Variants in MAN2A1 observed in about 807,000 individuals in gnomAD.
The protein encoded by MAN2A1 is mannosidase alpha class 2A member 1.
In MAN2A1, 76 loss-of-function variants were observed where a neutral mutation model predicts 142.6. The ratio of observed to expected loss-of-function variants is 0.53; its 90% confidence interval spans 0.44 to 0.65. The LOEUF (loss-of-function observed/expected upper bound fraction) is 0.65. Ranked by LOEUF, MAN2A1 falls within the 30% of genes least tolerant of loss-of-function variation. The pLI is 0.00. For missense variants in MAN2A1, 1,311 were observed against 1,365.1 expected (o/e 0.96, Z 0.62); for synonymous variants, 559 against 473.2 (o/e 1.18, Z -2.35).
intron 12 of MAN2A1, among the ~76,000 whole-genome samples, chr5:109,816,954 A>G (rs143689783): frequency 6.6e-6 from 1 of 152,098 alleles, no homozygotes; most frequent in Non-Finnish European, 1.5e-5. Flanking sequence ...ATTCTTCTCC[A>G]TGAGTTGACT....
chr5:109,821,545 T>C (rs1428907040), intron 15 of MAN2A1, among the ~76,000 whole-genome samples: 1 of 152,168 alleles, frequency 6.6e-6, no homozygotes, highest in Non-Finnish European at 1.5e-5. Context: ...CCCACCAGCA[T>C]TTTTTGAGAT....
chr5:109,816,719 A>T (rs189300257), intron 12 of MAN2A1, among the ~76,000 whole-genome samples: 51 of 152,308 alleles, frequency 3.3e-4, no homozygotes, highest in African/African-American at 1.2e-3. Flanking sequence ...TATTAGTTGT[A>T]TGGAGCTCAT....
chr5:109,734,478 G>C (rs1467689897), intron 4 of MAN2A1, among the ~76,000 whole-genome samples: 1 of 152,008 alleles, frequency 6.6e-6, no homozygotes, highest in East Asian at 1.9e-4. Context: ...GTCAATTTTG[G>C]ATCTTTCCTG....
At position 109,698,953 on chromosome 5, in the gene MAN2A1, A is replaced by G. The variant is rs373772072; in HGVS notation, c.135+8401A>G. ...TGTGGTTCCTTCTTTAAATATATGC[A>G]TATACCTCTGTTTTGATTTTTGTTT... On this transcript the variant is annotated intron_variant, in intron 1 of 21. Transcript: ENST00000261483. Among the ~76,000 whole-genome samples, 14 of 152,116 alleles carry G rather than the reference A, an allele frequency of 9.2e-5. 1 individual carries two copies. The highest frequency in any genetic ancestry group is 2.6e-4 in the Admixed American group (4 of 15,278).
intron 1 of MAN2A1, among the ~76,000 whole-genome samples, chr5:109,697,632 C>T (rs1251582138): frequency 6.6e-6 from 1 of 152,172 alleles, no homozygotes; most frequent in East Asian, 1.9e-4. Context: ...TGTCTCTGAC[C>T]ACTTTCACAC....
rs144196108 is a variant in MAN2A1 at position 109,867,356 on chromosome 5, A to G, written c.*358A>G. ...TGGGGGTTGCGAAGAGATTCTTAAAAGTATCTGTGTGTTGATCATCAGTTT... is the reference window on the plus strand; with the variant it reads ...TGGGGGTTGCGAAGAGATTCTTAAAGGTATCTGTGTGTTGATCATCAGTTT... On this transcript the variant is annotated 3_prime_UTR_variant, in exon 22 of 22. Coordinates refer to ENST00000261483, the MANE Select transcript of MAN2A1 (RefSeq NM_002372.4). 3 of 158,724 alleles carry G rather than the reference A, an allele frequency of 1.9e-5. No individual in the cohort carries two copies. In the East Asian group the frequency reaches 5.4e-4, roughly 29 times the overall value. The allele number at this position is 158,724 out of a possible 1,614,324, so 9.8% of individuals were successfully genotyped here. A position where few individuals can be genotyped will look rare whatever the true frequency, so the allele number is the denominator to read the frequency against.
chr5:109,728,702 C>T (rs1041027700), intron 3 of MAN2A1, among the ~76,000 whole-genome samples: 2 of 152,090 alleles, frequency 1.3e-5, no homozygotes, highest in African/African-American at 2.4e-5. Flanking sequence ...TATATGCATT[C>T]GCATTTGTTG....
Position 109,737,092 on chromosome 5 carries a change from C to CTTTTTTTTTTTT in MAN2A1, c.707+7587_707+7598dup, listed in dbSNP as rs10686903. ...GGCCATAGAATATGGACTGTATACT[C>CTTTTTTTTTTTT]TTTTTTTTTTTTTTTTTTTGAGACT... On this transcript the variant is annotated intron_variant, in intron 4 of 21. Transcript: ENST00000261483. Among the ~76,000 whole-genome samples the CTTTTTTTTTTTT allele has an allele frequency of 2.7e-5, 3 of 112,160 alleles. 1 individual carries two copies. 73.6% of individuals were successfully genotyped at this position (112,160 alleles called of 152,430 possible). A position where few individuals can be genotyped will look rare whatever the true frequency, so the allele number is the denominator to read the frequency against.
chr5:109,719,311 G>A (rs1751539368), intron 3 of MAN2A1, among the ~76,000 whole-genome samples: 1 of 152,188 alleles, frequency 6.6e-6, no homozygotes, highest in Non-Finnish European at 1.5e-5. Flanking sequence ...GATTTTTGCT[G>A]TCAAGCAAAA....
At chr5:109,694,354 T>C (rs76492218) in intron 1 of MAN2A1, among the ~76,000 whole-genome samples, 27 of 151,896 alleles carry the variant, frequency 1.8e-4, no homozygotes, top group African/African-American at 4.8e-4. Context: ...TTTTTTTTTT[T>C]CTTTGGGATA....
At chr5:109,825,666 A>G (rs924498519) in intron 16 of MAN2A1, among the ~76,000 whole-genome samples, 1 of 152,028 alleles carries the variant, frequency 6.6e-6, no homozygotes, top group Non-Finnish European at 1.5e-5. Context: ...TGAGCAAACT[A>G]CACTCATCAG....
At chr5:109,693,192 C>G (rs948021212) in intron 1 of MAN2A1, among the ~76,000 whole-genome samples, 1 of 152,068 alleles carries the variant, frequency 6.6e-6, no homozygotes, top group Non-Finnish European at 1.5e-5. Flanking sequence ...TATACCCTTC[C>G]CAGAATGTCT....
intron 18 of MAN2A1, among the ~76,000 whole-genome samples, chr5:109,847,247 TC>T (rs1284404004): frequency 6.6e-6 from 1 of 152,186 alleles, no homozygotes; most frequent in African/African-American, 2.4e-5. Flanking sequence ...TTATCTCACT[TC>T]CTGGAAATGT....
chr5:109,826,311 T>C (rs1754758832), intron 16 of MAN2A1, among the ~76,000 whole-genome samples: 2 of 152,312 alleles, frequency 1.3e-5, no homozygotes, highest in Non-Finnish European at 2.9e-5. Context: ...ATAAGTGTAA[T>C]GCAAACTTAG....
intron 20 of MAN2A1, chr5:109,863,725 AC>A (rs1755812460): frequency 6.6e-6 from 1 of 152,244 alleles, no homozygotes; most frequent in Non-Finnish European, 1.5e-5. Context: ...ATCTAATGAT[AC>A]CATAAATGAA....
chr5:109,817,307 C>G lies in MAN2A1; in HGVS notation c.1978C>G (p.Arg660Gly). 1 of 1,613,918 alleles carries G rather than the reference C, an allele frequency of 6.2e-7. No individual in the cohort carries two copies. The highest frequency in any genetic ancestry group is 8.5e-7 in the Non-Finnish European group (1 of 1,179,960). ...LVVYNPLEQD[R>G]ISLVSVYVSS... ...GGTCTATAATCCTTTAGAACAAGAC[C>G]GAATCTCGTTGGTCTCAGTCTATGT... is the stretch of plus-strand genomic sequence containing the variant. Residue 660 changes from arginine to glycine, a missense_variant, in exon 13 of 22, where the codon CGA becomes GGA. Around this residue, in one of 3 missense-constraint regions of MAN2A1, gnomAD observed 890 missense variants for 920.5 expected, o/e 0.97. Coordinates refer to ENST00000261483, the MANE Select transcript of MAN2A1 (RefSeq NM_002372.4).
intron 1 of MAN2A1, among the ~76,000 whole-genome samples, chr5:109,700,467 A>G (rs930618738): frequency 6.6e-6 from 1 of 152,166 alleles, no homozygotes; most frequent in Non-Finnish European, 1.5e-5. Flanking sequence ...ATGTAGAGGA[A>G]TGTGGCATTT....
intron 16 of MAN2A1, among the ~76,000 whole-genome samples, chr5:109,830,329 AT>A (rs1298069239): frequency 6.6e-6 from 1 of 152,204 alleles, no homozygotes; most frequent in Non-Finnish European, 1.5e-5. Context: ...CAGTTTCTTA[AT>A]CTATAAAAAA....
At chr5:109,755,598 A>G in intron 5 of MAN2A1, 142 bp downstream of exon 5, 1 of 656,378 alleles carries the variant, frequency 1.5e-6, no homozygotes, top group Non-Finnish European at 2.5e-6. Context: ...TTAATTTATG[A>G]TATTTCTTAG....
Sources: allele counts gnomAD v4.1 joint callset (sites outside exome capture counted in the v4.1 genomes callset), GRCh38; gene constraint gnomAD v4.1.1; regional missense constraint gnomAD v4.1.1; transcripts MANE v1.5; gene names NCBI Gene and HGNC (gene_info 2026-07-23, HGNC 2026-07-21).